Variants in SLC39A10 observed in about 807,000 individuals in gnomAD.
SLC39A10 encodes the protein zinc transporter ZIP10.
Under a neutral mutation model 65.1 loss-of-function variants are expected in SLC39A10, and 13 were observed. That is an observed-to-expected ratio of 0.20 (90% CI 0.13 to 0.32). SLC39A10 has a LOEUF of 0.32. Among genes scored for constraint, SLC39A10 ranks in the 10% least tolerant of loss-of-function variants. SLC39A10 has a pLI of 1.00. For missense variants in SLC39A10, 831 were observed against 1,018.4 expected (o/e 0.82, Z 2.50); for synonymous variants, 321 against 342.2 (o/e 0.94, Z 0.68).
intron 3 of SLC39A10, among the ~76,000 whole-genome samples, chr2:195,698,415 G>A (rs1168404845): frequency 3.3e-5 from 5 of 151,972 alleles, no homozygotes; most frequent in African/African-American, 1.2e-4. Context: ...TAGAGGAAAG[G>A]CTTTGTCTTT....
chr2:195,706,580 T>G, intron 3 of SLC39A10, 36 bp from the exon 4 acceptor site: 1 of 1,579,976 alleles, frequency 6.3e-7, no homozygotes, highest in Non-Finnish European at 8.6e-7. Flanking sequence ...GTTTAAATTG[T>G]TATACTAATG....
intron 1 of SLC39A10, 87 bp downstream of exon 1, chr2:195,657,368 G>C (rs1689186038): frequency 2.0e-6 from 2 of 983,732 alleles, no homozygotes. Context: ...GGGACGGCGT[G>C]GGGGTAGAAA....
chr2:195,727,936 T>C (rs930340730), intron 8 of SLC39A10, among the ~76,000 whole-genome samples: 2 of 152,186 alleles, frequency 1.3e-5, no homozygotes, highest in Non-Finnish European at 1.5e-5. Flanking sequence ...TCAGAATAGA[T>C]ATATAACCTT....
chr2:195,699,431 T>A (rs1323691016), intron 3 of SLC39A10, among the ~76,000 whole-genome samples: 3 of 151,974 alleles, frequency 2.0e-5, no homozygotes, highest in Non-Finnish European at 4.4e-5. Flanking sequence ...AATAATTATC[T>A]GTTTTTCCCT....
chr2:195,645,811 T>A (rs890809615), intron 2 of SLC39A10, among the ~76,000 whole-genome samples: 9 of 152,184 alleles, frequency 5.9e-5, no homozygotes, highest in African/African-American at 1.9e-4. Flanking sequence ...ATCAAAAAAA[T>A]AAAAATTAAA....
intron 3 of SLC39A10, among the ~76,000 whole-genome samples, chr2:195,697,047 TG>T (rs1690993611): frequency 6.6e-6 from 1 of 152,132 alleles, no homozygotes; most frequent in Admixed American, 6.5e-5. Context: ...ATCATCTTCA[TG>T]TTGAGTAGGC....
chr2:195,713,576 G>A, intron 6 of SLC39A10, 23 bp downstream of exon 6: 1 of 1,540,080 alleles, frequency 6.5e-7, no homozygotes, highest in Non-Finnish European at 8.6e-7. Context: ...TCTGACTCAA[G>A]ACAAACTTTT....
At chr2:195,666,915 C>T (rs530091418) in intron 1 of SLC39A10, among the ~76,000 whole-genome samples, 1 of 152,332 alleles carries the variant, frequency 6.6e-6, no homozygotes, top group South Asian at 2.1e-4. Context: ...AGGTAGCTTT[C>T]TCCAATATGG....
At chr2:195,624,601 A>C (rs1574197630) in intron 2 of SLC39A10, among the ~76,000 whole-genome samples, 5 of 151,476 alleles carry the variant, frequency 3.3e-5, no homozygotes, top group Admixed American at 3.3e-4. Flanking sequence ...CAAGCCGGGC[A>C]CGATGGCTCA....
At chr2:195,624,542 C>A (rs371843122) in intron 2 of SLC39A10, among the ~76,000 whole-genome samples, 1 of 151,848 alleles carries the variant, frequency 6.6e-6, no homozygotes, top group Non-Finnish European at 1.5e-5. Context: ...GGTGATTGTC[C>A]ACTCAGAAGG....
chr2:195,657,772 C>T (rs1382000324), intron 1 of SLC39A10, among the ~76,000 whole-genome samples: 3 of 152,130 alleles, frequency 2.0e-5, no homozygotes, highest in African/African-American at 7.2e-5. Context: ...CGACCAGCGC[C>T]CCGGTTTTTT....
Position 195,680,122 on chromosome 2 carries a change from A to C in SLC39A10, c.80A>C (p.Glu27Ala). 6.2e-7 allele frequency: 1 copy of C among 1,613,370 alleles called. No individual in the cohort carries two copies. The highest frequency in any genetic ancestry group is 8.5e-7 in the Non-Finnish European group (1 of 1,179,886). The change falls in exon 2 of 10, where the codon GAA becomes GCA. Residue 27 changes from glutamate (E) to alanine (A), a missense_variant. Transcript: ENST00000359634. ...TTTCATCATTGCAACCATTGCCATG[A>C]AGAACATGACCATGGCCCTGAAGCG... ...FIFHHCNHCHEEHDHGPEALH... is the reference protein window; with the variant it reads ...FIFHHCNHCHAEHDHGPEALH...
chr2:195,732,702 A>G (rs962572106), intron 9 of SLC39A10, among the ~76,000 whole-genome samples: 9 of 152,228 alleles, frequency 5.9e-5, no homozygotes, highest in South Asian at 2.1e-4. Context: ...TACTAGAACC[A>G]TATGTAGGAA....
chr2:195,700,094 C>T (rs986211347), intron 3 of SLC39A10, among the ~76,000 whole-genome samples: 1 of 152,100 alleles, frequency 6.6e-6, no homozygotes, highest in Admixed American at 6.6e-5. Flanking sequence ...TTTTCAGTTT[C>T]AGCCTGTTTG....
chr2:195,733,683 AC>A (rs1019662667), intron 9 of SLC39A10, among the ~76,000 whole-genome samples: 7 of 152,080 alleles, frequency 4.6e-5, no homozygotes, highest in African/African-American at 1.2e-4. Flanking sequence ...GGCATGCACC[AC>A]CATGCCCAGC....
chr2:195,721,567 C>G (rs1284098817), intron 8 of SLC39A10, among the ~76,000 whole-genome samples: 1 of 152,106 alleles, frequency 6.6e-6, no homozygotes, highest in Non-Finnish European at 1.5e-5. Context: ...ATTTCTTAAA[C>G]TGTAGTTTTT....
At chr2:195,729,253 A>ATT (rs1275792841) in intron 9 of SLC39A10, among the ~76,000 whole-genome samples, 1 of 152,142 alleles carries the variant, frequency 6.6e-6, no homozygotes, top group Non-Finnish European at 1.5e-5. Flanking sequence ...AAGTGCTGGG[A>ATT]TTACAAGTGT....
At chr2:195,652,503 C>T (rs552216883), upstream of SLC39A10, among the ~76,000 whole-genome samples, 1 of 149,058 alleles carries the variant, frequency 6.7e-6, no homozygotes, top group African/African-American at 2.5e-5. Flanking sequence ...GAGCCGAGAT[C>T]TCGCCACTGC....
intron 2 of SLC39A10, among the ~76,000 whole-genome samples, chr2:195,615,624 A>G (rs1489755240): frequency 6.6e-6 from 1 of 152,178 alleles, no homozygotes; most frequent in African/African-American, 2.4e-5. Context: ...AAGAACCTCT[A>G]GATTCATTTA....
Sources: gnomAD v4.1 joint callset for allele counts (sites outside exome capture counted in the v4.1 genomes callset) on GRCh38, gnomAD v4.1.1 for gene constraint, MANE v1.5 for transcripts, NCBI Gene and HGNC (gene_info 2026-07-23, HGNC 2026-07-21) for gene names.